ZNF208: variants seen among roughly 807,000 people sequenced by gnomAD.
ZNF208 encodes zinc finger protein 95.
Under a neutral mutation model 12.1 loss-of-function variants are expected in ZNF208, and 10 were observed. The ratio of observed to expected loss-of-function variants is 0.83; its 90% CI spans 0.51 to 1.40. ZNF208 has a LOEUF of 1.40. ZNF208 is among the 40% of genes most tolerant of loss of function. The pLI is 0.00. For synonymous variants in ZNF208, 497 were observed against 488.4 expected (o/e 1.02, Z -0.23); for missense variants, 1,652 against 1,485.0 (o/e 1.11, Z -1.85).
At chr19:21,959,507 C>T (rs1970029730) in intron 4 of ZNF208, among the ~76,000 whole-genome samples, 1 of 152,108 alleles carries the variant, frequency 6.6e-6, no homozygotes, top group Admixed American at 6.6e-5. Flanking sequence ...AGAAGAATAC[C>T]TTTGTGAATG....
chr19:21,943,194 A>T, intron 4 of ZNF208, among the ~76,000 whole-genome samples: 2 of 152,214 alleles, frequency 1.3e-5, no homozygotes, highest in Non-Finnish European at 2.9e-5. Flanking sequence ...GTAATCGAGA[A>T]TGTCACTTTC....
In ZNF208 at chr19:21,975,851, A is replaced by AAAAAAAAAAAAAAAG. The variant is rs377638519; in HGVS notation, c.227-1045_227-1044insCTTTTTTTTTTTTTT. 2.4e-4 allele frequency among the ~76,000 whole-genome samples: 22 copies of AAAAAAAAAAAAAAAG among 91,876 alleles called. 4 individuals are homozygous for AAAAAAAAAAAAAAAG. The highest frequency in any genetic ancestry group is 1.0e-3 in the African/African-American group (22 of 21,964). 60.3% of individuals were successfully genotyped at this position (91,876 alleles called of 152,430 possible). ...AAAAAAAAAAAAAAAAAAAAAAAAA[A>AAAAAAAAAAAAAAAG]GCTATCAAGTGAGAATAATACCATC... On this transcript the variant is annotated intron_variant, in intron 3 of 3. Coordinates refer to ENST00000397126, the MANE Select transcript of ZNF208 (RefSeq NM_007153.3).
At chr19:21,946,513 C>T (rs1464809011) in intron 4 of ZNF208, among the ~76,000 whole-genome samples, 1 of 152,168 alleles carries the variant, frequency 6.6e-6, no homozygotes, top group Non-Finnish European at 1.5e-5. Context: ...ACTTTTGTTC[C>T]AAACCTCACC....
intron 4 of ZNF208, among the ~76,000 whole-genome samples, chr19:21,957,810 G>A (rs1377073603): frequency 2.0e-5 from 3 of 151,796 alleles, no homozygotes; most frequent in Non-Finnish European, 2.9e-5. Flanking sequence ...ATTGTGAGTA[G>A]CTTTTTTTTA....
chr19:21,988,714 C>T (rs1287019651), intron 2 of ZNF208, 69 bp downstream of exon 2: 2 of 1,612,532 alleles, frequency 1.2e-6, no homozygotes, highest in East Asian at 2.2e-5. Context: ...GTTGTTCAGT[C>T]CAATAAGGTC....
chr19:22,007,549 C>T (rs950578704), intron 1 of ZNF208, among the ~76,000 whole-genome samples: 6 of 148,160 alleles, frequency 4.0e-5, no homozygotes, highest in African/African-American at 1.5e-4. Flanking sequence ...TGAAAAAACT[C>T]CTAAATTCAC....
At chr19:22,000,256 G>A (rs1444019712) in intron 1 of ZNF208, among the ~76,000 whole-genome samples, 1 of 152,126 alleles carries the variant, frequency 6.6e-6, no homozygotes, top group Non-Finnish European at 1.5e-5. Flanking sequence ...CGTAATATAT[G>A]TTCTTCTCAT....
At chr19:22,001,892 C>CTAAAAAAAAAAAAAA (rs1970956064) in intron 1 of ZNF208, among the ~76,000 whole-genome samples, 1 of 74,106 alleles carries the variant, frequency 1.3e-5, no homozygotes, top group East Asian at 4.2e-4. Flanking sequence ...GACTCCATCC[C>CTAAAAAAAAAAAAAA]AAAAAAAAAA....
At position 21,968,969 on chromosome 19, in the gene ZNF208, G is replaced by A. The variant is rs964360619; in HGVS notation, c.*2222C>T. Among the ~76,000 whole-genome samples the A allele has an allele frequency of 5.3e-5, 8 of 152,212 alleles. No homozygotes were observed. The highest frequency in any genetic ancestry group is 1.9e-4 in the East Asian group (1 of 5,168). Reference sequence around the variant, plus strand: ...GGTGGCCAAGGTGGGCATATCATGAGGTCAGGAGATAGAGACCGTCCTGGC... The same window carrying A: ...GGTGGCCAAGGTGGGCATATCATGAAGTCAGGAGATAGAGACCGTCCTGGC... On this transcript the variant is annotated 3_prime_UTR_variant, in exon 4 of 4. Coordinates refer to ENST00000397126, the MANE Select transcript of ZNF208 (RefSeq NM_007153.3).
rs113707335 is a variant in ZNF208, at chr19:21,973,787, T to G, written c.1247A>C (p.Glu416Ala). 89 of 1,606,140 alleles carry G rather than the reference T, an allele frequency of 5.5e-5. No individual in the cohort carries two copies. In the African/African-American group the frequency reaches 1.1e-3, roughly 20 times the overall value. ...FSMFSILTKH[E>A]VIHTGEKPYK... Reference sequence around the variant, plus strand: ...GGGTTTCTCTCCAGTATGAATGACCTCATGTTTAGTAAGGATTGAGAACAT... The same window carrying G: ...GGGTTTCTCTCCAGTATGAATGACCGCATGTTTAGTAAGGATTGAGAACAT... The change falls in exon 4 of 4, where the codon GAG becomes GCG. Residue 416 changes from glutamate to alanine, a missense_variant. Glu to Ala is a moderately radical substitution (Grantham distance 107). Transcript: ENST00000397126.
chr19:21,977,142 T>G (rs545481872), intron 3 of ZNF208, among the ~76,000 whole-genome samples: 8 of 152,350 alleles, frequency 5.3e-5, no homozygotes, highest in African/African-American at 1.9e-4. Context: ...TGAATACGTG[T>G]GTGTGTGTAT....
Position 21,987,239 on chromosome 19 carries a change from T to C in ZNF208, c.203A>G (p.His68Arg). Residue 68 changes from histidine to arginine, a missense_variant, in exon 3 of 4, where the codon CAT becomes CGT. His to Arg is a conservative substitution (Grantham distance 29, BLOSUM62 0). This residue lies in a region of ZNF208 where 410 missense variants were observed against 378.2 expected (regional missense o/e 1.08). Transcript: ENST00000397126. ...ACCTGGGGATTCTTCCACCATCTCA[T>C]GTCTCTTCATATTCCAGGACTCTTT... ...EGKESWNMKR[H>R]EMVEESPVIC... The C allele has an allele frequency of 6.2e-7, 1 of 1,612,738 alleles. No individual in the cohort carries two copies. The highest frequency in any genetic ancestry group is 8.5e-7 in the Non-Finnish European group (1 of 1,179,444).
At chr19:22,006,544 G>A (rs1971047232) in intron 1 of ZNF208, among the ~76,000 whole-genome samples, 1 of 152,056 alleles carries the variant, frequency 6.6e-6, no homozygotes, top group African/African-American at 2.4e-5. Flanking sequence ...ATCTGCCTGT[G>A]GGGCCCCAGC....
At chr19:21,999,898 CTAATTTA>C (rs1369751127) in intron 1 of ZNF208, among the ~76,000 whole-genome samples, 2 of 152,112 alleles carry the variant, frequency 1.3e-5, no homozygotes, top group Admixed American at 6.5e-5. Context: ...CTTCTTATTT[CTAATTTA>C]TATTTTGTCT....
chr19:21,969,220 G>A lies in ZNF208; in HGVS notation c.*1971C>T, dbSNP rs533180738. Among the ~76,000 whole-genome samples, 20 of 151,928 alleles carry A rather than the reference G, an allele frequency of 1.3e-4. No individual in the cohort carries two copies. The highest frequency in any genetic ancestry group is 4.8e-4 in the African/African-American group (20 of 41,458). On this transcript the variant is annotated 3_prime_UTR_variant, in exon 4 of 4. Coordinates refer to ENST00000397126, the MANE Select transcript of ZNF208 (RefSeq NM_007153.3). ...GGCTGGTCTTGAACTCCTGACCTCAGGTGATCTGCCCACCTTGGCATCACA... is the reference window on the plus strand; with the variant it reads ...GGCTGGTCTTGAACTCCTGACCTCAAGTGATCTGCCCACCTTGGCATCACA...
Position 21,954,696 on chromosome 19 carries a change from C to T in ZNF208, c.305+20033G>A, listed in dbSNP as rs545634165. ...GTTTTCCATTTGCTTGGTAGATTTTCCTCCATCCCTTTATTTTGAGCCTAT... is the reference window on the plus strand; with the variant it reads ...GTTTTCCATTTGCTTGGTAGATTTTTCTCCATCCCTTTATTTTGAGCCTAT... On this transcript the variant is annotated intron_variant, in intron 4 of 4. Transcript: ENST00000599916. 9.7e-4 allele frequency among the ~76,000 whole-genome samples: 148 copies of T among 152,200 alleles called. 3 individuals carry two copies. In the South Asian group the frequency reaches 0.016, roughly 16 times the overall value.
intron 1 of ZNF208, among the ~76,000 whole-genome samples, chr19:21,997,220 A>T (rs1454158901): frequency 6.6e-6 from 1 of 152,224 alleles, no homozygotes; most frequent in Non-Finnish European, 1.5e-5. Context: ...AGTGACCATA[A>T]TTTGTCTACA....
chr19:21,989,411 C>T (rs1215057008), intron 1 of ZNF208, among the ~76,000 whole-genome samples: 9 of 151,940 alleles, frequency 5.9e-5, no homozygotes, highest in Non-Finnish European at 1.2e-4. Context: ...AGGACATGAA[C>T]TCATCATTTT....
chr19:21,970,609 G>T lies in ZNF208; in HGVS notation c.*582C>A. ...TTTATCACATTCTTCACATTTGTAG[G>T]GCTTCTCACCAGTATGAATTCTCTT... On this transcript the variant is annotated 3_prime_UTR_variant, in exon 4 of 4. Coordinates refer to ENST00000397126, the MANE Select transcript of ZNF208 (RefSeq NM_007153.3). 1.1e-6 allele frequency: 1 copy of T among 908,040 alleles called. No homozygotes were observed. Among genetic ancestry groups the T allele is most frequent in the Admixed American group, 1.9e-5 (1 of 51,344 alleles). 56.2% of individuals were successfully genotyped at this position (908,040 alleles called of 1,614,324 possible).
Sources: allele counts gnomAD v4.1 joint callset (sites outside exome capture counted in the v4.1 genomes callset), GRCh38; gene constraint gnomAD v4.1.1; regional missense constraint gnomAD v4.1.1; transcripts MANE v1.5; gene names NCBI Gene and HGNC (gene_info 2026-07-23, HGNC 2026-07-21).